The following ARFGEF1 variants were observed in gnomAD, a reference collection of about 807,000 sequenced individuals.
ARFGEF1 encodes ARF guanine nucleotide exchange factor 1.
ARFGEF1 carries 42 observed loss-of-function variants against 231.0 expected under a neutral mutation model. The observed-to-expected ratio is 0.18, with a 90% CI of 0.14 to 0.24. The LOEUF (loss-of-function observed/expected upper bound fraction) is 0.24. Ranked by LOEUF, ARFGEF1 falls within the 10% of genes least tolerant of loss-of-function variation. The pLI, the probability that ARFGEF1 is intolerant of heterozygous loss-of-function variation, is 1.00. For missense variants in ARFGEF1, 1,345 were observed against 2,192.0 expected, an observed-to-expected ratio of 0.61 and a Z score of 7.72; for synonymous variants, 710 against 732.3, an observed-to-expected ratio of 0.97 and a Z score of 0.49.
In ARFGEF1 at chr8:67,295,273, A is replaced by C. The variant is rs181948452; in HGVS notation, c.639+1158T>G. Reference sequence around the variant, plus strand: ...GTGAGGGGAGGATCTGAAGAGAAACAGTATTTGCACTGTCTTAAAATATCT... The same window carrying C: ...GTGAGGGGAGGATCTGAAGAGAAACCGTATTTGCACTGTCTTAAAATATCT... On this transcript the variant is annotated intron_variant, in intron 5 of 38. Coordinates refer to ENST00000262215, the MANE Select transcript of ARFGEF1 (RefSeq NM_006421.5). Among the ~76,000 whole-genome samples the C allele has an allele frequency of 2.4e-3, 358 of 152,298 alleles. 2 individuals carry two copies. Among genetic ancestry groups the C allele is most frequent in the Non-Finnish European group, 3.9e-3 (262 of 68,002 alleles).
At chr8:67,181,698 T>G (rs999212643) in intron 5 of ARFGEF1, among the ~76,000 whole-genome samples, 1 of 152,190 alleles carries the variant, frequency 6.6e-6, no homozygotes, top group East Asian at 1.9e-4. Context: ...ACATAACATT[T>G]ACCATTTTAA....
At chr8:67,213,080 C>T (rs961200159) in intron 33 of ARFGEF1, among the ~76,000 whole-genome samples, 1 of 152,188 alleles carries the variant, frequency 6.6e-6, no homozygotes, top group South Asian at 2.1e-4. Context: ...TCTGAATGGA[C>T]GTCAGCACAA....
chr8:67,231,817 C>T (rs1342050988), intron 23 of ARFGEF1, among the ~76,000 whole-genome samples: 1 of 151,970 alleles, frequency 6.6e-6, no homozygotes, highest in Non-Finnish European at 1.5e-5. Flanking sequence ...GACAAGAATA[C>T]CCATCTCATG....
chr8:67,193,348 C>T (rs1253888698), downstream of ARFGEF1: 18 of 803,050 alleles, frequency 2.2e-5, no homozygotes, highest in Middle Eastern at 2.5e-4. Flanking sequence ...CTGCCCACCT[C>T]GGCTTCCCAA....
chr8:67,238,576 A>C, intron 21 of ARFGEF1, 83 bp from the exon 22 acceptor site: 1 of 1,436,950 alleles, frequency 7.0e-7, no homozygotes, highest in Non-Finnish European at 9.4e-7. Context: ...GCCAGGACTT[A>C]AACACAGACT....
intron 5 of ARFGEF1, among the ~76,000 whole-genome samples, chr8:67,189,030 C>A (rs1398513247): frequency 1.3e-5 from 2 of 152,142 alleles, no homozygotes. Flanking sequence ...GAACAAGGAC[C>A]CGCCTGGTAA....
chr8:67,186,724 A>C (rs1834705041), intron 5 of ARFGEF1, among the ~76,000 whole-genome samples: 1 of 152,188 alleles, frequency 6.6e-6, no homozygotes. Flanking sequence ...GAAAGGGAGA[A>C]ATAGAATTGT....
intron 1 of ARFGEF1, among the ~76,000 whole-genome samples, chr8:67,329,508 G>A (rs574309782): frequency 1.3e-5 from 2 of 150,822 alleles, no homozygotes; most frequent in South Asian, 2.1e-4. Context: ...CAGCCTGGGC[G>A]ACAGAGTAAG....
intron 19 of ARFGEF1, among the ~76,000 whole-genome samples, chr8:67,242,437 T>C (rs919861935): frequency 3.3e-5 from 5 of 152,206 alleles, no homozygotes; most frequent in Non-Finnish European, 5.9e-5. Flanking sequence ...CTCTGATTTC[T>C]AGACACATCC....
intron 33 of ARFGEF1, among the ~76,000 whole-genome samples, chr8:67,212,982 G>C (rs1260808744): frequency 6.6e-6 from 1 of 152,168 alleles, no homozygotes; most frequent in Non-Finnish European, 1.5e-5. Flanking sequence ...ATTTTTGGAT[G>C]TTAGGTATAT....
Position 67,275,995 on chromosome 8 carries a change from C to G in ARFGEF1, c.1318G>C (p.Asp440His). The G allele has an allele frequency of 6.2e-7, 1 of 1,613,352 alleles. No homozygotes were observed. The highest frequency in any genetic ancestry group is 1.3e-5 in the African/African-American group (1 of 74,998). ...ACTTACTTTGGATCTGGTGGTCCAT[C>G]TGACAGTGGTTTCATTGACAGTTTA... ...LCKLSMKPLS[D>H]GPPDPKSHEL... Residue 440 changes from aspartate (D) to histidine (H), a missense_variant, in exon 9 of 39, where the codon GAT becomes CAT. Physicochemically the swap from Asp to His is moderately conservative, Grantham distance 81. Around this residue, in one of 14 missense-constraint regions of ARFGEF1, gnomAD observed 141 missense variants for 259.9 expected, o/e 0.54. Transcript: ENST00000262215.
chr8:67,310,560 C>G (rs992518600), intron 1 of ARFGEF1, among the ~76,000 whole-genome samples: 1 of 151,974 alleles, frequency 6.6e-6, no homozygotes, highest in Non-Finnish European at 1.5e-5. Context: ...GGCCGCCCAT[C>G]GTCTGGGATG....
At chr8:67,321,626 A>T (rs1026977683) in intron 1 of ARFGEF1, among the ~76,000 whole-genome samples, 4 of 149,466 alleles carry the variant, frequency 2.7e-5, no homozygotes, top group African/African-American at 9.9e-5. Flanking sequence ...ACGCCCGGCT[A>T]TTTTTTTTTA....
intron 34 of ARFGEF1, among the ~76,000 whole-genome samples, chr8:67,205,887 A>C (rs1317481904): frequency 6.6e-6 from 1 of 151,482 alleles, no homozygotes; most frequent in Non-Finnish European, 1.5e-5. Context: ...TAAATAAATA[A>C]ATAAATAAAA....
At chr8:67,275,910 T>C in intron 9 of ARFGEF1, 66 bp downstream of exon 9, 1 of 1,584,096 alleles carries the variant, frequency 6.3e-7, no homozygotes, top group Non-Finnish European at 8.6e-7. Flanking sequence ...AATCCAAACA[T>C]TACCTTAACA....
chr8:67,258,946 C>T (rs927256239), intron 15 of ARFGEF1, among the ~76,000 whole-genome samples: 2 of 152,056 alleles, frequency 1.3e-5, no homozygotes, highest in East Asian at 1.9e-4. Context: ...TAAAAAATGG[C>T]ACAGTATTTG....
intron 1 of ARFGEF1, among the ~76,000 whole-genome samples, chr8:67,326,496 C>G (rs1807840067): frequency 1.3e-5 from 2 of 152,186 alleles, no homozygotes; most frequent in South Asian, 4.1e-4. Flanking sequence ...AAAATGAGAT[C>G]TGAAACCTTA....
At chr8:67,270,840 C>A in intron 10 of ARFGEF1, among the ~76,000 whole-genome samples, 1 of 150,868 alleles carries the variant, frequency 6.6e-6, no homozygotes, top group East Asian at 1.9e-4. Flanking sequence ...ACCTGACCAA[C>A]ATGGAGAAAC....
In ARFGEF1 at chr8:67,279,678, C is replaced by T. The variant is rs144393461; in HGVS notation, c.1028-2221G>A. On this transcript the variant is annotated intron_variant, in intron 7 of 38. Transcript: ENST00000262215. ...TTTTTAGACTTTGAAGCCACACCCC[C>T]GTGGCTTGAAATCTTCACTTTATCA... Among the ~76,000 whole-genome samples, 863 of 152,226 alleles carry T rather than the reference C, an allele frequency of 5.7e-3. 31 individuals carry two copies. Among genetic ancestry groups the T allele is most frequent in the Non-Finnish European group, 1.0e-3 (69 of 68,008 alleles).
Sources: allele counts gnomAD v4.1 joint callset (sites outside exome capture counted in the v4.1 genomes callset), GRCh38; gene constraint gnomAD v4.1.1; regional missense constraint gnomAD v4.1.1; transcripts MANE v1.5; gene names NCBI Gene and HGNC (gene_info 2026-07-23, HGNC 2026-07-21).